The following SLIT3 variants were observed in gnomAD, a reference collection of about 807,000 sequenced individuals.
SLIT3 encodes slit guidance ligand 3.
SLIT3 carries 68 observed loss-of-function variants against 184.0 expected under a neutral mutation model. The ratio of observed to expected loss-of-function variants is 0.37; its 90% CI spans 0.30 to 0.45. SLIT3 has a LOEUF of 0.45. SLIT3 is among the 20% of genes least tolerant of loss of function. The probability of loss-of-function intolerance (pLI) is 1.00; values close to 1 mark genes in which losing one functional copy is unlikely to be tolerated. For synonymous variants in SLIT3, 831 were observed against 828.6 expected (o/e 1.00, Z -0.05); for missense variants, 1,707 against 2,026.0 (o/e 0.84, Z 3.02).
chr5:169,244,855 C>T (rs1765535086), intron 2 of SLIT3, 79 bp from the exon 3 acceptor site: 1 of 1,205,782 alleles, frequency 8.3e-7, no homozygotes, highest in Non-Finnish European at 1.2e-6. Flanking sequence ...GCCATGCAGG[C>T]ATGGTCACTC....
intron 7 of SLIT3, 119 bp from the exon 8 acceptor site, chr5:168,817,582 G>A (rs1162599660): frequency 3.2e-6 from 3 of 933,914 alleles, no homozygotes; most frequent in Non-Finnish European, 4.8e-6. Context: ...AAATCCCTAG[G>A]AGCCCAGGGA....
intron 3 of SLIT3, among the ~76,000 whole-genome samples, chr5:169,225,307 T>C (rs181234523): frequency 6.6e-6 from 1 of 152,210 alleles, no homozygotes; most frequent in Non-Finnish European, 1.5e-5. Context: ...AAGAGCAGGC[T>C]GAAGAATAAC....
chr5:168,817,413 G>A lies in SLIT3; in HGVS notation c.680C>T (p.Ser227Leu), dbSNP rs1561949200. The A allele has an allele frequency of 2.5e-6, 4 of 1,614,216 alleles. No individual in the cohort carries two copies. Among genetic ancestry groups the A allele is most frequent in the Non-Finnish European group, 3.4e-6 (4 of 1,180,038 alleles). Residue 227 changes from serine to leucine, a missense_variant, in exon 8 of 36, where the codon TCG becomes TTG. Ser to Leu is a moderately radical substitution (Grantham distance 145). Around this residue, in one of 3 missense-constraint regions of SLIT3, gnomAD observed 1,307 missense variants for 1,511.6 expected, o/e 0.86. Transcript: ENST00000519560. Reference sequence around the variant, plus strand: ...TGTCCGTCGCTGTCGCAGCCAATCCGAGAGCCAGGCCAGGTGGCAGTCGCA... The same window carrying A: ...TGTCCGTCGCTGTCGCAGCCAATCCAAGAGCCAGGCCAGGTGGCAGTCGCA... Reference protein sequence around the residue: ...LYCDCHLAWLSDWLRQRRTVG... With the variant: ...LYCDCHLAWLLDWLRQRRTVG...
At chr5:169,089,981 C>A (rs1287722864) in intron 4 of SLIT3, among the ~76,000 whole-genome samples, 1 of 152,194 alleles carries the variant, frequency 6.6e-6, no homozygotes, top group African/African-American at 2.4e-5. Context: ...AAAACCACTT[C>A]AGGTATTTCC....
At chr5:169,106,011 T>C (rs2113243706) in intron 4 of SLIT3, among the ~76,000 whole-genome samples, 2 of 140,106 alleles carry the variant, frequency 1.4e-5, no homozygotes, top group Middle Eastern at 7.4e-3. Flanking sequence ...TTTCTGCACA[T>C]AGACACATGG....
chr5:169,224,591 C>T (rs1013731284), intron 3 of SLIT3, among the ~76,000 whole-genome samples: 4 of 152,118 alleles, frequency 2.6e-5, no homozygotes, highest in Non-Finnish European at 5.9e-5. Flanking sequence ...TGGTTTTGAA[C>T]TCCTGAGCTC....
At chr5:169,263,556 T>A in intron 1 of SLIT3, 1 of 435,626 alleles carries the variant, frequency 2.3e-6, no homozygotes, top group Non-Finnish European at 4.6e-6. Flanking sequence ...GCTCCAGAAG[T>A]CTGAAAGGAT....
At chr5:168,795,756 C>T (rs569632469) in intron 9 of SLIT3, among the ~76,000 whole-genome samples, 178 bp from the exon 10 acceptor site, 1 of 152,194 alleles carries the variant, frequency 6.6e-6, no homozygotes, top group African/African-American at 2.4e-5. Flanking sequence ...GGTCCTAGTA[C>T]ATGGAGCACC....
In SLIT3 at chr5:168,671,251, G is replaced by A; in HGVS notation, c.4074C>T (p.Gly1358=). ...KDSVVCECRP[G]WTGPLCDQEA... is the part of the protein sequence containing the mutation. ...CCTGATCGCAGAGTGGGCCGGTCCA[G>A]CCTGGGCGGCACTCGCACACCACGC... The change falls in exon 34 of 36, where the codon GGC becomes GGT. Residue 1358 remains glycine (G), a synonymous_variant. Coordinates refer to ENST00000519560, the MANE Select transcript of SLIT3 (RefSeq NM_003062.4). 1 of 1,613,390 alleles carries A rather than the reference G, an allele frequency of 6.2e-7. No homozygotes were observed. Among genetic ancestry groups the A allele is most frequent in the Non-Finnish European group, 8.5e-7 (1 of 1,179,884 alleles).
At chr5:169,200,321 TG>T (rs939078878) in intron 3 of SLIT3, among the ~76,000 whole-genome samples, 16 of 152,224 alleles carry the variant, frequency 1.1e-4, no homozygotes, top group African/African-American at 3.4e-4. Context: ...CAGGACTGCT[TG>T]CTTTAGTAAT....
chr5:169,151,664 T>C (rs1762120888), intron 4 of SLIT3, among the ~76,000 whole-genome samples: 1 of 152,226 alleles, frequency 6.6e-6, no homozygotes. Context: ...CATTTGCTAC[T>C]AACTTCCCAG....
chr5:168,946,808 G>T (rs1010775957), intron 4 of SLIT3, among the ~76,000 whole-genome samples: 3 of 152,092 alleles, frequency 2.0e-5, no homozygotes, highest in Admixed American at 6.5e-5. Flanking sequence ...GTTTAGAAAG[G>T]GTGTCTTCAA....
intron 5 of SLIT3, among the ~76,000 whole-genome samples, chr5:168,872,753 C>G (rs1252264348): frequency 6.6e-6 from 1 of 151,516 alleles, no homozygotes; most frequent in Non-Finnish European, 1.5e-5. Context: ...ATTCTCCTGC[C>G]TCAGCCTCTC....
At chr5:169,257,404 C>A (rs920128213) in intron 1 of SLIT3, among the ~76,000 whole-genome samples, 2 of 148,402 alleles carry the variant, frequency 1.3e-5, no homozygotes, top group African/African-American at 5.0e-5. Flanking sequence ...GCCCCACAAC[C>A]ATTTACACAC....
intron 4 of SLIT3, among the ~76,000 whole-genome samples, chr5:168,954,773 A>G (rs1437416136): frequency 6.6e-6 from 1 of 152,192 alleles, no homozygotes; most frequent in Non-Finnish European, 1.5e-5. Context: ...ATTGTTTGGT[A>G]AACTGATGAG....
At chr5:169,014,303 T>C (rs1169963764) in intron 4 of SLIT3, among the ~76,000 whole-genome samples, 2 of 152,184 alleles carry the variant, frequency 1.3e-5, no homozygotes, top group Non-Finnish European at 2.9e-5. Context: ...TCCAGCTATA[T>C]ATATCCAGAA....
At chr5:169,050,712 T>C (rs544525156) in intron 4 of SLIT3, among the ~76,000 whole-genome samples, 199 of 151,946 alleles carry the variant, frequency 1.3e-3, no homozygotes, top group African/African-American at 4.7e-3. Context: ...TTGGCGACCA[T>C]ATAACACTTC....
chr5:168,742,380 A>G (rs1763662250), intron 20 of SLIT3, among the ~76,000 whole-genome samples: 1 of 149,478 alleles, frequency 6.7e-6, no homozygotes, highest in South Asian at 2.2e-4. Context: ...CCTCACCCAG[A>G]GAGGCCTCTG....
At chr5:169,133,644 A>G (rs1212715603) in intron 4 of SLIT3, among the ~76,000 whole-genome samples, 1 of 152,214 alleles carries the variant, frequency 6.6e-6, no homozygotes, top group East Asian at 1.9e-4. Flanking sequence ...TGAGAATGAC[A>G]TCTGTGTCAA....
Sources: allele counts gnomAD v4.1 joint callset (sites outside exome capture counted in the v4.1 genomes callset), GRCh38; gene constraint gnomAD v4.1.1; regional missense constraint gnomAD v4.1.1; transcripts MANE v1.5; gene names NCBI Gene and HGNC (gene_info 2026-07-23, HGNC 2026-07-21).